Variants in STAC observed in about 807,000 individuals in gnomAD.
STAC encodes the protein SH3 and cysteine-rich domain-containing protein.
Under a neutral mutation model 48.8 loss-of-function variants are expected in STAC, and 43 were observed. The ratio of observed to expected loss-of-function variants is 0.88; its 90% CI spans 0.69 to 1.14. The LOEUF is 1.14. Among genes scored for constraint, STAC ranks in the 50% most tolerant of loss-of-function variants. STAC has a pLI of 0.00. For missense variants in STAC, 497 were observed against 504.0 expected (o/e 0.99, Z 0.13); for synonymous variants, 193 against 179.5 (o/e 1.07, Z -0.60).
At chr3:36,512,097 G>A (rs1262917710) in intron 8 of STAC, among the ~76,000 whole-genome samples, 1 of 152,140 alleles carries the variant, frequency 6.6e-6, no homozygotes, top group East Asian at 1.9e-4. Context: ...CCTGAGTCCT[G>A]GCTCCTTAGA....
At chr3:36,543,904 G>T (rs891120464) in intron 10 of STAC, among the ~76,000 whole-genome samples, 5 of 152,086 alleles carry the variant, frequency 3.3e-5, no homozygotes, top group Admixed American at 2.6e-4. Context: ...TTTCAAGTTT[G>T]ATTTTTTAAT....
chr3:36,504,396 T>G lies in STAC; in HGVS notation c.770T>G (p.Phe257Cys). ...TGCTTTCTCTTGTCTCCTTCAGTGT[T>G]TACATATCCAGAAAATGGCACTGAT... ...YDLRKRSNSV[F>C]TYPENGTDDF... Residue 257 changes from phenylalanine (F) to cysteine (C), a missense_variant, in exon 7 of 11, where the codon TTT becomes TGT. Coordinates refer to ENST00000273183, the MANE Select transcript of STAC (RefSeq NM_003149.3). The G allele has an allele frequency of 6.2e-7, 1 of 1,613,054 alleles. No homozygotes were observed. The highest frequency in any genetic ancestry group is 8.5e-7 in the Non-Finnish European group (1 of 1,179,298).
intron 2 of STAC, chr3:36,459,132 A>T (rs907104542): frequency 8.5e-5 from 13 of 152,244 alleles, no homozygotes; most frequent in Admixed American, 5.9e-4. Flanking sequence ...TTGAGAAAAG[A>T]ACTAATTTTA....
chr3:36,450,106 T>C (rs560758546), intron 2 of STAC, among the ~76,000 whole-genome samples: 52 of 152,358 alleles, frequency 3.4e-4, no homozygotes, highest in African/African-American at 1.2e-3. Context: ...TCTCTGAATT[T>C]CCATGTTATT....
At chr3:36,514,995 G>T (rs1240852267) in intron 8 of STAC, among the ~76,000 whole-genome samples, 1 of 151,736 alleles carries the variant, frequency 6.6e-6, no homozygotes, top group African/African-American at 2.4e-5. Flanking sequence ...CCAAGATCAC[G>T]CCATTGCCCT....
chr3:36,434,029 A>AT (rs1393111598), intron 1 of STAC, among the ~76,000 whole-genome samples: 1 of 152,204 alleles, frequency 6.6e-6, no homozygotes, highest in Non-Finnish European at 1.5e-5. Context: ...TTGGTGAGAA[A>AT]TTTAATCCTC....
intron 5 of STAC, 90 bp downstream of exon 5, chr3:36,486,339 T>G: frequency 1.7e-6 from 2 of 1,155,888 alleles, no homozygotes; most frequent in Non-Finnish European, 2.5e-6. Context: ...TCCACCTGAC[T>G]GCCTCATGAG....
At chr3:36,429,106 C>A (rs1028847332) in intron 1 of STAC, among the ~76,000 whole-genome samples, 1 of 151,990 alleles carries the variant, frequency 6.6e-6, no homozygotes, top group African/African-American at 2.4e-5. Context: ...GGCTAATGGA[C>A]TGAATGTGAA....
In STAC at chr3:36,528,886, C is replaced by A; in HGVS notation, c.1011C>A (p.Asn337Lys). The change falls in exon 10 of 11, where the codon AAC (asparagine) becomes AAA (lysine). Residue 337 changes from asparagine to lysine, a missense_variant. Asn to Lys is a moderately conservative substitution (Grantham distance 94, BLOSUM62 0). Coordinates refer to ENST00000273183, the MANE Select transcript of STAC (RefSeq NM_003149.3). ...ACAGAATTGGCTTCTTTCCAGCCAA[C>A]TTTGTTCAGAGACTACAACAAAATG... The part of the protein sequence containing the change: ...IQDRIGFFPA[N>K]FVQRLQQNEK... 1 of 1,613,648 alleles carries A rather than the reference C, an allele frequency of 6.2e-7. No individual in the cohort carries two copies. Among genetic ancestry groups the A allele is most frequent in the Non-Finnish European group, 8.5e-7 (1 of 1,179,802 alleles).
At chr3:36,393,316 C>T (rs1019802563) in intron 1 of STAC, among the ~76,000 whole-genome samples, 3 of 152,136 alleles carry the variant, frequency 2.0e-5, no homozygotes, top group African/African-American at 7.2e-5. Context: ...TGTTCAGCAT[C>T]ACCTAGAAAA....
At chr3:36,516,093 C>T (rs773959296) in intron 8 of STAC, among the ~76,000 whole-genome samples, 3 of 149,596 alleles carry the variant, frequency 2.0e-5, no homozygotes, top group South Asian at 4.3e-4. Context: ...AAGTGATTCT[C>T]CTGCCTCAGG....
chr3:36,401,799 G>T (rs1700002998), intron 1 of STAC, among the ~76,000 whole-genome samples: 2 of 152,178 alleles, frequency 1.3e-5, no homozygotes, highest in Non-Finnish European at 2.9e-5. Flanking sequence ...GTCCATCTAA[G>T]TGCTGGGCCC....
At chr3:36,533,702 A>G (rs1045999272) in intron 10 of STAC, among the ~76,000 whole-genome samples, 2 of 151,944 alleles carry the variant, frequency 1.3e-5, no homozygotes, top group South Asian at 2.1e-4. Context: ...TCATACCTGC[A>G]TTCTCTGCCC....
chr3:36,443,705 CCA>C lies in STAC; in HGVS notation c.388+67_388+68del. 6.3e-7 allele frequency: 1 copy of C among 1,575,656 alleles called. No homozygotes were observed. The highest frequency in any genetic ancestry group is 8.6e-7 in the Non-Finnish European group (1 of 1,163,038). On this transcript the variant is annotated intron_variant, in intron 2 of 10. Transcript: ENST00000273183. The surrounding 1 kb of genome is among the most constrained non-coding windows in gnomAD (Gnocchi z 4.2). Reference sequence around the variant, plus strand: ...CGGAAAGCTGAGTGAGAGTGGTGTGCCACGGGTCCAGGTACCTACGGACAGAT... The same window carrying C: ...CGGAAAGCTGAGTGAGAGTGGTGTGCCGGGTCCAGGTACCTACGGACAGAT...
At chr3:36,407,252 A>G (rs1283334598) in intron 1 of STAC, among the ~76,000 whole-genome samples, 1 of 152,186 alleles carries the variant, frequency 6.6e-6, no homozygotes, top group Admixed American at 6.5e-5. Context: ...TCTTATCAAA[A>G]CAAAACAAGA....
chr3:36,402,828 C>T lies in STAC; in HGVS notation c.111+22074C>T, dbSNP rs73828879. The stretch of plus-strand genomic sequence containing the variant: ...TATCCTAAAGCAAAGTTGGCCTGTC[C>T]GTCTTCCCACCTCAGATGGATTCAG... On this transcript the variant is annotated intron_variant, in intron 1 of 10. Transcript: ENST00000273183. 4.0e-3 allele frequency among the ~76,000 whole-genome samples: 606 copies of T among 152,218 alleles called. 5 individuals are homozygous for T. Among genetic ancestry groups the T allele is most frequent in the African/African-American group, 0.013 (531 of 41,536 alleles).
At chr3:36,455,011 C>T (rs1171189354) in intron 2 of STAC, among the ~76,000 whole-genome samples, 1 of 152,072 alleles carries the variant, frequency 6.6e-6, no homozygotes, top group Non-Finnish European at 1.5e-5. Context: ...CAGATCATAC[C>T]TTAGCAGAAA....
intron 8 of STAC, among the ~76,000 whole-genome samples, chr3:36,507,788 T>C (rs1210249436): frequency 1.3e-5 from 2 of 152,182 alleles, no homozygotes; most frequent in African/African-American, 4.8e-5. Context: ...TTTTATTGTG[T>C]CTATTTGATT....
At chr3:36,509,032 T>C (rs774145879) in intron 8 of STAC, among the ~76,000 whole-genome samples, 2 of 152,142 alleles carry the variant, frequency 1.3e-5, no homozygotes, top group Non-Finnish European at 2.9e-5. Flanking sequence ...TACAATTTGG[T>C]ATGTTTCTGC....
Sources: gnomAD v4.1 joint callset for allele counts (sites outside exome capture counted in the v4.1 genomes callset) on GRCh38, gnomAD v4.1.1 for gene constraint, Gnocchi (gnomAD v3.1) non-coding constraint, MANE v1.5 for transcripts, NCBI Gene and HGNC (gene_info 2026-07-23, HGNC 2026-07-21) for gene names.